Variants in IL1RAPL1 observed in about 807,000 individuals in gnomAD.
IL1RAPL1 encodes interleukin-1 receptor accessory protein-like 1.
A neutral mutation model predicts 48.4 loss-of-function variants in IL1RAPL1; 3 were observed. The ratio of observed to expected loss-of-function variants is 0.06; its 90% CI spans 0.03 to 0.16. IL1RAPL1 has a LOEUF of 0.16. Among genes scored for constraint, IL1RAPL1 ranks in the 10% least tolerant of loss-of-function variants. The pLI, the probability that IL1RAPL1 is intolerant of heterozygous loss-of-function variation, is 1.00. For synonymous variants in IL1RAPL1, 185 were observed against 187.7 expected (o/e 0.99, Z 0.12); for missense variants, 349 against 530.6 (o/e 0.66, Z 3.36).
At chrX:28,805,579 A>C (rs1936720927) in intron 2 of IL1RAPL1, among the ~76,000 whole-genome samples, 1 of 110,636 alleles carries the variant, frequency 9.0e-6, no homozygotes, top group African/African-American at 3.3e-5. Flanking sequence ...TTTTTTTAAG[A>C]TGTCAAGTTT....
chrX:29,186,703 A>G (rs1343608995), intron 2 of IL1RAPL1, among the ~76,000 whole-genome samples: 1 of 111,434 alleles, frequency 9.0e-6, no homozygotes, highest in African/African-American at 3.3e-5. Context: ...TTATAATGAT[A>G]ATAATAGGTA....
intron 6 of IL1RAPL1, among the ~76,000 whole-genome samples, chrX:29,715,717 C>G (rs1179679978): frequency 8.9e-6 from 1 of 111,814 alleles, no homozygotes; most frequent in African/African-American, 3.2e-5. Flanking sequence ...TAAATAAAAT[C>G]TCCATCTCAG....
At chrX:28,978,064 G>A (rs754836004) in intron 2 of IL1RAPL1, among the ~76,000 whole-genome samples, 26 of 112,305 alleles carry the variant, frequency 2.3e-4, no homozygotes, top group African/African-American at 7.4e-4. Flanking sequence ...TGGGAAATAC[G>A]GTCAAGAGAG....
chrX:29,523,842 G>C (rs187009056), intron 5 of IL1RAPL1, among the ~76,000 whole-genome samples: 356 of 111,226 alleles, frequency 3.2e-3, no homozygotes, highest in African/African-American at 0.01. Flanking sequence ...AACTGTGCAT[G>C]TTATATGGGA....
At position 29,574,016 on chromosome X, in the gene IL1RAPL1, A is replaced by G. The variant is rs781693435; in HGVS notation, c.704-94414A>G. Among the ~76,000 whole-genome samples the G allele has an allele frequency of 3.6e-5, 4 of 110,808 alleles. No individual in the cohort carries two copies. In the South Asian group the frequency reaches 1.2e-3, roughly 33 times the overall value. ...TGTATTAGTCCATTCTCACATTGCTATAAAGAACTACCTGAGACTGGGTAA... is the reference window on the plus strand; with the variant it reads ...TGTATTAGTCCATTCTCACATTGCTGTAAAGAACTACCTGAGACTGGGTAA... On this transcript the variant is annotated intron_variant, in intron 5 of 10. Transcript: ENST00000378993.
chrX:29,389,157 C>T (rs1933822228), intron 3 of IL1RAPL1, among the ~76,000 whole-genome samples: 5 of 110,002 alleles, frequency 4.5e-5, no homozygotes, highest in Admixed American at 3.9e-4. Flanking sequence ...GAGATCAAGA[C>T]CAGCCTGGCT....
chrX:29,030,916 A>C (rs1301024831), intron 2 of IL1RAPL1, among the ~76,000 whole-genome samples: 1 of 111,761 alleles, frequency 8.9e-6, no homozygotes, highest in Non-Finnish European at 1.9e-5. Flanking sequence ...CTCAATTATG[A>C]CATCATATTT....
intron 6 of IL1RAPL1, among the ~76,000 whole-genome samples, chrX:29,692,610 A>G (rs760247834): frequency 8.9e-6 from 1 of 112,257 alleles, no homozygotes; most frequent in Non-Finnish European, 1.9e-5. Context: ...ACATGGAGTC[A>G]AGAGCATCTC....
In IL1RAPL1 at chrX:28,706,131, A is replaced by C. The variant is rs142412720; in HGVS notation, c.-24-83189A>C. On this transcript the variant is annotated intron_variant, in intron 1 of 10. Transcript: ENST00000378993. ...GATGTTTCAGTCAATGACGAACCGC[A>C]TGTAGGATGGTGGTCCCATAAGATT... 1.1e-3 allele frequency among the ~76,000 whole-genome samples: 128 copies of C among 112,040 alleles called. 1 individual carries two copies. The highest frequency in any genetic ancestry group is 1.6e-3 in the Non-Finnish European group (83 of 53,179).
intron 1 of IL1RAPL1, among the ~76,000 whole-genome samples, chrX:28,741,524 A>G (rs1935906296): frequency 8.9e-6 from 1 of 111,969 alleles, no homozygotes; most frequent in South Asian, 3.6e-4. Flanking sequence ...ACCTTCAAGT[A>G]ATTTTCCAAA....
At chrX:29,189,015 T>C (rs926107147) in intron 2 of IL1RAPL1, among the ~76,000 whole-genome samples, 2 of 112,276 alleles carry the variant, frequency 1.8e-5, no homozygotes, top group Admixed American at 9.4e-5. Context: ...AAGGGAACAA[T>C]TGAGAATTGT....
intron 6 of IL1RAPL1, among the ~76,000 whole-genome samples, chrX:29,899,744 A>C (rs1180639209): frequency 9.1e-6 from 1 of 109,538 alleles, no homozygotes; most frequent in Non-Finnish European, 1.9e-5. Flanking sequence ...GGGTTTCTCC[A>C]TGTTGGCCAG....
At chrX:29,350,621 C>CGCA (rs78405991) in intron 3 of IL1RAPL1, among the ~76,000 whole-genome samples, 3 of 103,621 alleles carry the variant, frequency 2.9e-5, no homozygotes, top group East Asian at 3.2e-4. Context: ...TGCGTGCACA[C>CGCA]CACACACACA....
In IL1RAPL1 at chrX:29,539,122, G is replaced by A. The variant is rs760765949; in HGVS notation, c.704-129308G>A. On this transcript the variant is annotated intron_variant, in intron 5 of 10. Transcript: ENST00000378993. Reference sequence around the variant, plus strand: ...ATGAATAAAACACCCAAAAAACTACGGACCAATATCCCTGACTAATATAGA... The same window carrying A: ...ATGAATAAAACACCCAAAAAACTACAGACCAATATCCCTGACTAATATAGA... 8.1e-5 allele frequency among the ~76,000 whole-genome samples: 9 copies of A among 111,051 alleles called. No individual in the cohort carries two copies. In the East Asian group the frequency reaches 1.7e-3, roughly 21 times the overall value.
Position 28,730,917 on chromosome X carries a change from G to A in IL1RAPL1, c.-24-58403G>A, listed in dbSNP as rs776952127. 3.6e-5 allele frequency among the ~76,000 whole-genome samples: 4 copies of A among 111,653 alleles called. No homozygotes were observed. In the East Asian group the frequency reaches 8.5e-4, roughly 24 times the overall value. On this transcript the variant is annotated intron_variant, in intron 1 of 10. Transcript: ENST00000378993. ...AATTAATGAATGTGCCAGACTCTAC[G>A]CATTGGTTTAAGTGTAATTGATCTT...
chrX:29,768,503 G>A (rs1928968054), intron 6 of IL1RAPL1, among the ~76,000 whole-genome samples: 1 of 111,350 alleles, frequency 9.0e-6, no homozygotes, highest in Non-Finnish European at 1.9e-5. Flanking sequence ...TACAATGCCC[G>A]CCAGGCCATT....
intron 3 of IL1RAPL1, among the ~76,000 whole-genome samples, chrX:29,317,072 T>A (rs1206488387): frequency 9.0e-6 from 1 of 111,080 alleles, no homozygotes; most frequent in Non-Finnish European, 1.9e-5. Context: ...GGGCTAAGGA[T>A]TTTATTTTTA....
intron 5 of IL1RAPL1, among the ~76,000 whole-genome samples, chrX:29,594,530 A>AAT (rs1349766505): frequency 9.0e-6 from 1 of 111,638 alleles, no homozygotes; most frequent in Non-Finnish European, 1.9e-5. Context: ...GCTAGAATAC[A>AAT]ATATATATAT....
rs1051921893 is a variant in IL1RAPL1, at chrX:29,955,564, A to G, written c.1835A>G (p.His612Arg). The change falls in exon 11 of 11, where the codon CAC becomes CGC. Residue 612 changes from histidine to arginine, a missense_variant. Around this residue, in one of 3 missense-constraint regions of IL1RAPL1, gnomAD observed 65 missense variants for 79.6 expected, o/e 0.82. Coordinates refer to ENST00000378993, the MANE Select transcript of IL1RAPL1 (RefSeq NM_014271.4). ...CATCCAGATCTCCGTTCTACCTTTC[A>G]CAACACGTACCATTCACAAATGCGT... Reference protein sequence around the residue: ...TAHPDLRSTFHNTYHSQMRQK... With the variant: ...TAHPDLRSTFRNTYHSQMRQK... 4 of 1,203,992 alleles carry G rather than the reference A, an allele frequency of 3.3e-6. No individual in the cohort carries two copies. Among genetic ancestry groups the G allele is most frequent in the Admixed American group, 4.4e-5 (2 of 45,269 alleles).
Sources: allele counts gnomAD v4.1 joint callset (sites outside exome capture counted in the v4.1 genomes callset), GRCh38; gene constraint gnomAD v4.1.1; regional missense constraint gnomAD v4.1.1; transcripts MANE v1.5; gene names NCBI Gene and HGNC (gene_info 2026-07-23, HGNC 2026-07-21).